The following USH2A variants were observed in gnomAD, a reference collection of about 807,000 sequenced individuals.
The protein encoded by USH2A is usherin.
A neutral mutation model predicts 538.9 loss-of-function variants in USH2A; 443 were observed. That is an observed-to-expected ratio of 0.82 (90% CI 0.76 to 0.89). USH2A has a LOEUF of 0.89. USH2A is among the 40% of genes least tolerant of loss of function. USH2A has a pLI of 0.00. For synonymous variants in USH2A, 2,413 were observed against 2,273.5 expected, an observed-to-expected ratio of 1.06 and a Z score of -1.75; for missense variants, 6,633 against 6,324.8, an observed-to-expected ratio of 1.05 and a Z score of -1.65.
At position 215,867,017 on chromosome 1, in the gene USH2A, C is replaced by T. The variant is rs1553270960; in HGVS notation, c.8835G>A (p.Trp2945Ter). The change falls in exon 44 of 72, where the codon TGG becomes TGA. Residue 2945 changes from tryptophan (W) to a stop codon, truncating the protein, a stop_gained. Transcript: ENST00000307340. LOFTEE classifies it high-confidence loss of function. ...GAGAAGCTTACTTACTTGGTTTAGC[C>T]CACCTCACGTCGATGGCTGTGTGGT... Reference protein sequence around the residue: ...VLNHTAIDVRWAKPTVQDLQG... With the variant: ...VLNHTAIDVR 3 of 1,614,034 alleles carry T rather than the reference C, an allele frequency of 1.9e-6. No individual in the cohort carries two copies. The highest frequency in any genetic ancestry group is 2.5e-6 in the Non-Finnish European group (3 of 1,179,986).
rs1392671925 is a variant in USH2A at position 215,743,235 on chromosome 1, A to T, written c.11490T>A (p.Leu3830=). The change falls in exon 59 of 72, where the codon CTT becomes CTA. Residue 3830 remains leucine, a synonymous_variant. Coordinates refer to ENST00000307340, the MANE Select transcript of USH2A (RefSeq NM_206933.4). ...AFSVGHHQST[L]LENLTPFTQY... ...GTGTGAATGGAGTCAAATTTTCCAG[A>T]AGGGTGGATTGATGATGACCAACGG... 1 of 1,612,606 alleles carries T rather than the reference A, an allele frequency of 6.2e-7. No homozygotes were observed. Among genetic ancestry groups the T allele is most frequent in the Non-Finnish European group, 8.5e-7 (1 of 1,179,508 alleles).
At chr1:215,903,122 C>T (rs1170775610) in intron 38 of USH2A, among the ~76,000 whole-genome samples, 1 of 151,800 alleles carries the variant, frequency 6.6e-6, no homozygotes, top group Non-Finnish European at 1.5e-5. Flanking sequence ...GACTGGAAGC[C>T]GAGTAAAGAA....
rs370496931 is a variant in USH2A at position 216,350,755 on chromosome 1, C to T, written c.784+14198G>A. Among the ~76,000 whole-genome samples the T allele has an allele frequency of 9.9e-5, 15 of 152,244 alleles. 1 individual carries two copies. Among genetic ancestry groups the T allele is most frequent in the Admixed American group, 3.9e-4 (6 of 15,282 alleles). On this transcript the variant is annotated intron_variant, in intron 4 of 71. Transcript: ENST00000307340. Reference sequence around the variant, plus strand: ...ACTGAGTGCCTGCAGTTTTTCCTTGCTGAGGGTGAAAGCTGCCAGTGGCTA... The same window carrying T: ...ACTGAGTGCCTGCAGTTTTTCCTTGTTGAGGGTGAAAGCTGCCAGTGGCTA...
chr1:215,836,543 A>T (rs367830151), intron 47 of USH2A, among the ~76,000 whole-genome samples: 7 of 12,556 alleles, frequency 5.6e-4, no homozygotes, highest in East Asian at 0.017. Context: ...TATATATATA[A>T]TATATATATA....
intron 24 of USH2A, among the ~76,000 whole-genome samples, chr1:216,085,718 G>A (rs2032108416): frequency 6.8e-6 from 1 of 146,702 alleles, no homozygotes; most frequent in Admixed American, 6.8e-5. Flanking sequence ...CTGTGTACGT[G>A]AGTGTGTGTG....
chr1:216,394,134 C>A (rs1321754155), intron 3 of USH2A, among the ~76,000 whole-genome samples: 1 of 152,096 alleles, frequency 6.6e-6, no homozygotes, highest in East Asian at 1.9e-4. Context: ...CCACTAAACA[C>A]CTATCAGAAG....
At chr1:216,170,084 C>T (rs375819400) in intron 21 of USH2A, among the ~76,000 whole-genome samples, 7 of 151,948 alleles carry the variant, frequency 4.6e-5, no homozygotes, top group East Asian at 3.9e-4. Flanking sequence ...AGAAGTTTGC[C>T]CTACTTGCAC....
intron 4 of USH2A, among the ~76,000 whole-genome samples, chr1:216,334,655 A>C (rs2037935163): frequency 6.6e-6 from 1 of 151,974 alleles, no homozygotes; most frequent in Non-Finnish European, 1.5e-5. Flanking sequence ...CACGTAAACA[A>C]TAACCAAAAG....
intron 44 of USH2A, among the ~76,000 whole-genome samples, chr1:215,862,322 C>T (rs1664338591): frequency 6.6e-6 from 1 of 152,030 alleles, no homozygotes; most frequent in Admixed American, 6.6e-5. Flanking sequence ...GGACAAAAAA[C>T]CAAACACCGC....
intron 54 of USH2A, 124 bp downstream of exon 54, chr1:215,781,918 C>T: frequency 2.3e-6 from 3 of 1,314,930 alleles, no homozygotes; most frequent in Non-Finnish European, 3.3e-6. Context: ...CATGAACACG[C>T]TACTTAACAC....
chr1:216,322,644 G>A (rs1571700079), intron 8 of USH2A, among the ~76,000 whole-genome samples: 1 of 150,256 alleles, frequency 6.7e-6, no homozygotes, highest in African/African-American at 2.4e-5. Context: ...ATATAAAGTT[G>A]ACAATAAACT....
chr1:216,404,031 A>G (rs7550759), intron 3 of USH2A, among the ~76,000 whole-genome samples: 99,249 of 151,998 alleles, frequency 0.65, 33,240 homozygotes, highest in East Asian at 0.83. Flanking sequence ...ATGTGAAACC[A>G]AGTCAATTAA....
At chr1:215,826,431 A>G (rs938095744) in intron 47 of USH2A, among the ~76,000 whole-genome samples, 1 of 152,222 alleles carries the variant, frequency 6.6e-6, no homozygotes, top group African/African-American at 2.4e-5. Flanking sequence ...ATGGCAGTGA[A>G]GTAATAAAAT....
chr1:216,221,847 C>T (rs1421671027), intron 14 of USH2A, among the ~76,000 whole-genome samples: 1 of 152,188 alleles, frequency 6.6e-6, no homozygotes, highest in Admixed American at 6.5e-5. Flanking sequence ...AGAGATTTCA[C>T]TTATTCTCTA....
chr1:215,920,385 G>A (rs1213471394), intron 38 of USH2A, among the ~76,000 whole-genome samples: 3 of 151,856 alleles, frequency 2.0e-5, no homozygotes, highest in Admixed American at 6.6e-5. Context: ...GACAGCTGTT[G>A]GAATCATCAA....
chr1:216,007,230 C>T (rs60186502), intron 32 of USH2A, among the ~76,000 whole-genome samples: 4,062 of 152,124 alleles, frequency 0.027, 153 homozygotes, highest in African/African-American at 0.084. Flanking sequence ...TACACAGTCT[C>T]GGGTATGTCT....
intron 38 of USH2A, among the ~76,000 whole-genome samples, chr1:215,912,581 T>C (rs887985163): frequency 4.0e-5 from 6 of 150,598 alleles, no homozygotes; most frequent in African/African-American, 1.2e-4. Flanking sequence ...AGTGAACTAG[T>C]CACACAATGG....
chr1:216,193,634 G>A (rs1411195596), intron 19 of USH2A, among the ~76,000 whole-genome samples: 3 of 152,030 alleles, frequency 2.0e-5, no homozygotes, highest in Non-Finnish European at 4.4e-5. Context: ...TTTTATGGGA[G>A]AAATGAGACG....
At chr1:216,087,747 T>C (rs930069401) in intron 23 of USH2A, among the ~76,000 whole-genome samples, 1 of 152,146 alleles carries the variant, frequency 6.6e-6, no homozygotes, top group African/African-American at 2.4e-5. Context: ...AACCAGAATC[T>C]GAATACTTCT....
Sources: gnomAD v4.1 joint callset for allele counts (sites outside exome capture counted in the v4.1 genomes callset) on GRCh38, gnomAD v4.1.1 for gene constraint, MANE v1.5 for transcripts, NCBI Gene and HGNC (gene_info 2026-07-23, HGNC 2026-07-21) for gene names.